SEMA5A: variants seen among roughly 807,000 people sequenced by gnomAD.
The protein encoded by SEMA5A is semaphorin 5A, also known as semaphorin-5A.
A neutral mutation model predicts 135.5 loss-of-function variants in SEMA5A; 55 were observed. The observed-to-expected ratio is 0.41, with a 90% CI of 0.33 to 0.51. The LOEUF (loss-of-function observed/expected upper bound fraction) is 0.51, where lower values mean the gene tolerates loss of function less well. Among genes scored for constraint, SEMA5A ranks in the 20% least tolerant of loss-of-function variants. The probability of loss-of-function intolerance (pLI) is 0.37; values close to 1 mark genes in which losing one functional copy is unlikely to be tolerated. For missense variants in SEMA5A, 1,290 were observed against 1,419.9 expected, an observed-to-expected ratio of 0.91 and a Z score of 1.47; for synonymous variants, 580 against 546.5, an observed-to-expected ratio of 1.06 and a Z score of -0.85.
At chr5:9,133,541 A>G (rs1489792806) in intron 13 of SEMA5A, among the ~76,000 whole-genome samples, 2 of 152,200 alleles carry the variant, frequency 1.3e-5, no homozygotes, top group African/African-American at 4.8e-5. Context: ...AGACCTTGTA[A>G]TGAGTGTTTT....
chr5:9,132,354 C>T (rs1246231103), intron 13 of SEMA5A, among the ~76,000 whole-genome samples: 1 of 152,182 alleles, frequency 6.6e-6, no homozygotes, highest in South Asian at 2.1e-4. Context: ...GAAGTGGAAT[C>T]CTGAAGAGGT....
rs1742844522 is a variant in SEMA5A at position 9,154,531 on chromosome 5, C to T, written c.1438G>A (p.Val480Ile). Residue 480 changes from valine (V) to isoleucine (I), a missense_variant, in exon 12 of 23, where the codon GTC becomes ATC. Val to Ile is a conservative substitution (Grantham distance 29, BLOSUM62 3). Transcript: ENST00000382496. ...VLFVGLREHV[V>I]KIPLKRCQFY... ...TGGCACCTCTTCAGGGGGATCTTGA[C>T]CACGTGCTCCCGCAGGCCCACGAAC... 6.2e-7 allele frequency: 1 copy of T among 1,612,526 alleles called. No homozygotes were observed. The highest frequency in any genetic ancestry group is 8.5e-7 in the Non-Finnish European group (1 of 1,179,990).
intron 16 of SEMA5A, among the ~76,000 whole-genome samples, chr5:9,078,194 C>T (rs1006356983): frequency 6.6e-6 from 1 of 152,198 alleles, no homozygotes; most frequent in African/African-American, 2.4e-5. Flanking sequence ...GGAGTAACTA[C>T]TTTTAGATAG....
chr5:9,182,149 G>GTCCCCC (rs1395291106), intron 11 of SEMA5A, among the ~76,000 whole-genome samples: 1 of 123,082 alleles, frequency 8.1e-6, no homozygotes, highest in African/African-American at 3.6e-5. Context: ...TATTGCTTCT[G>GTCCCCC]CCCCCCACCC....
chr5:9,505,449 G>A (rs3798060), intron 1 of SEMA5A, among the ~76,000 whole-genome samples: 1 of 152,058 alleles, frequency 6.6e-6, no homozygotes, highest in African/African-American at 2.4e-5. Context: ...CTCAGATACA[G>A]CCTGGATGTT....
chr5:9,206,692 T>A (rs1398083389), intron 8 of SEMA5A, among the ~76,000 whole-genome samples: 1 of 151,942 alleles, frequency 6.6e-6, no homozygotes, highest in African/African-American at 2.4e-5. Flanking sequence ...GAATCCCAAC[T>A]CTACAAAAAT....
At chr5:9,051,099 G>A (rs759608174) in intron 20 of SEMA5A, among the ~76,000 whole-genome samples, 16 of 152,170 alleles carry the variant, frequency 1.1e-4, no homozygotes, top group Non-Finnish European at 1.0e-4. Context: ...TATGTCTATC[G>A]TTAAAAAGGA....
intron 3 of SEMA5A, 52 bp from the exon 4 acceptor site, chr5:9,337,864 C>G: frequency 7.8e-7 from 1 of 1,287,512 alleles, no homozygotes; most frequent in Non-Finnish European, 1.1e-6. Flanking sequence ...TATTTTTCCT[C>G]TGGGGACCAC....
At chr5:9,120,073 C>T (rs1415125919) in intron 14 of SEMA5A, among the ~76,000 whole-genome samples, 4 of 151,822 alleles carry the variant, frequency 2.6e-5, no homozygotes, top group East Asian at 3.8e-4. Flanking sequence ...TTAAAAAATA[C>T]ATAGGTTTTT....
At chr5:9,280,323 A>G (rs896437752) in intron 5 of SEMA5A, among the ~76,000 whole-genome samples, 8 of 152,238 alleles carry the variant, frequency 5.3e-5, no homozygotes, top group Admixed American at 3.3e-4. Flanking sequence ...AATGAATAAT[A>G]GAAAAGTAAA....
At chr5:9,120,865 G>A (rs942363643) in intron 14 of SEMA5A, among the ~76,000 whole-genome samples, 24 of 150,718 alleles carry the variant, frequency 1.6e-4, no homozygotes, top group African/African-American at 5.1e-4. Flanking sequence ...TGTAACCTCC[G>A]CCTGCTGGGT....
intron 16 of SEMA5A, among the ~76,000 whole-genome samples, chr5:9,083,526 T>A (rs939948270): frequency 1.2e-4 from 19 of 152,178 alleles, no homozygotes; most frequent in African/African-American, 4.6e-4. Context: ...TAAGTGATAC[T>A]TTCTATTTAC....
At chr5:9,492,587 C>T (rs192935638) in intron 1 of SEMA5A, among the ~76,000 whole-genome samples, 10 of 152,296 alleles carry the variant, frequency 6.6e-5, no homozygotes, top group African/African-American at 2.4e-4. Context: ...TCATTATCAT[C>T]TCCCTAATGT....
At chr5:9,497,217 A>C (rs754626905) in intron 1 of SEMA5A, among the ~76,000 whole-genome samples, 8 of 152,256 alleles carry the variant, frequency 5.3e-5, no homozygotes, top group Non-Finnish European at 1.2e-4. Flanking sequence ...ATGAGCTCCC[A>C]AGAGTAACCA....
intron 18 of SEMA5A, among the ~76,000 whole-genome samples, chr5:9,062,137 T>C (rs971110034): frequency 1.3e-5 from 2 of 152,130 alleles, no homozygotes; most frequent in Non-Finnish European, 2.9e-5. Context: ...TTTTAGTTCC[T>C]TTTACAATCA....
chr5:9,053,977 C>A (rs1263611636), intron 19 of SEMA5A, 110 bp downstream of exon 19: 2 of 1,291,444 alleles, frequency 1.5e-6, no homozygotes, highest in Non-Finnish European at 2.1e-6. Flanking sequence ...AACTTGCCCA[C>A]CCCCCTTTCA....
intron 8 of SEMA5A, among the ~76,000 whole-genome samples, chr5:9,207,192 G>T (rs921095365): frequency 6.2e-5 from 9 of 145,658 alleles, no homozygotes; most frequent in Non-Finnish European, 1.0e-4. Context: ...AGTTTTGTTT[G>T]TTTGTGTTTT....
intron 11 of SEMA5A, among the ~76,000 whole-genome samples, chr5:9,164,113 TTATAAA>T (rs1285894495): frequency 8.8e-6 from 1 of 113,450 alleles, no homozygotes; most frequent in African/African-American, 4.2e-5. Context: ...ATTTATATAA[TTATAAA>T]TATATCATAT....
intron 1 of SEMA5A, among the ~76,000 whole-genome samples, chr5:9,522,435 T>C (rs1736887793): frequency 1.3e-5 from 2 of 151,962 alleles, no homozygotes; most frequent in African/African-American, 4.8e-5. Flanking sequence ...ATACAAACAT[T>C]TGCTGGGCAT....
Sources: allele counts gnomAD v4.1 joint callset (sites outside exome capture counted in the v4.1 genomes callset), GRCh38; gene constraint gnomAD v4.1.1; transcripts MANE v1.5; gene names NCBI Gene and HGNC (gene_info 2026-07-23, HGNC 2026-07-21).